Variants in MYO15A observed in about 807,000 individuals in gnomAD.
The protein encoded by MYO15A is myosin XVA.
MYO15A carries 308 observed loss-of-function variants against 394.6 expected under a neutral mutation model. The ratio of observed to expected loss-of-function variants is 0.78; its 90% CI spans 0.71 to 0.86. The LOEUF is 0.86. Among genes scored for constraint, MYO15A ranks in the 40% least tolerant of loss-of-function variants. The probability of loss-of-function intolerance (pLI) is 0.00; values close to 1 mark genes in which losing one functional copy is unlikely to be tolerated. For missense variants in MYO15A, 4,606 were observed against 4,799.1 expected, an observed-to-expected ratio of 0.96 and a Z score of 1.19; for synonymous variants, 1,957 against 2,003.8, an observed-to-expected ratio of 0.98 and a Z score of 0.62.
intron 30 of MYO15A, 58 bp downstream of exon 30, chr17:18,146,165 C>T: frequency 6.4e-7 from 1 of 1,551,466 alleles, no homozygotes; most frequent in Non-Finnish European, 8.8e-7. Flanking sequence ...GCAGTGGAGC[C>T]CAAGGCAGGG....
rs780219764 is a variant in MYO15A, at chr17:18,137,567, C to T, written c.4780-17C>T. Reference sequence around the variant, plus strand: ...GCCAAGGAAGGACCAGTCCCAGCACCCCCATCCACCTGGCAGGACCTGAGC... The same window carrying T: ...GCCAAGGAAGGACCAGTCCCAGCACTCCCATCCACCTGGCAGGACCTGAGC... On this transcript the variant is annotated splice_polypyrimidine_tract_variant and intron_variant, in intron 15 of 65. Transcript: ENST00000647165. 6.2e-7 allele frequency: 1 copy of T among 1,612,116 alleles called. No individual in the cohort carries two copies. Among genetic ancestry groups the T allele is most frequent in the Non-Finnish European group, 8.5e-7 (1 of 1,179,274 alleles).
intron 12 of MYO15A, among the ~76,000 whole-genome samples, chr17:18,135,365 G>A (rs1240995239): frequency 6.6e-6 from 1 of 151,158 alleles, no homozygotes; most frequent in Non-Finnish European, 1.5e-5. Context: ...TTTTGAGATG[G>A]AGTTTCGCTC....
At chr17:18,125,421 C>A in intron 4 of MYO15A, 190 bp downstream of exon 4, 2 of 619,112 alleles carry the variant, frequency 3.2e-6, no homozygotes, top group Non-Finnish European at 2.9e-6. Context: ...AGAGGCCGGG[C>A]ACAGTGGCTC....
At chr17:18,109,043 C>T (rs1597737462) in intron 1 of MYO15A, 1 of 152,356 alleles carries the variant, frequency 6.6e-6, no homozygotes, top group Non-Finnish European at 1.5e-5. Flanking sequence ...GGCAGGGCCT[C>T]TGTGGCTTAC....
intron 47 of MYO15A, 55 bp downstream of exon 47, chr17:18,155,487 C>T (rs1767452545): frequency 1.5e-5 from 22 of 1,491,000 alleles, no homozygotes; most frequent in Non-Finnish European, 1.9e-5. Context: ...AGACTGGCAT[C>T]GGCATTTCCT....
chr17:18,164,984 A>G (rs2142408969), intron 60 of MYO15A: 1 of 151,912 alleles, frequency 6.6e-6, no homozygotes, highest in African/African-American at 2.4e-5. Context: ...CACTAAAAAT[A>G]CAAAATTAGC....
Position 18,178,894 on chromosome 17 carries a change from C to G in MYO15A, c.*24C>G, listed in dbSNP as rs761661770. 1 of 1,606,368 alleles carries G rather than the reference C, an allele frequency of 6.2e-7. No individual in the cohort carries two copies. Among genetic ancestry groups the G allele is most frequent in the Non-Finnish European group, 8.5e-7 (1 of 1,176,130 alleles). ...GACCCAGCCCCCAGCCCTCCAGTAC[C>G]TTCTGCCAGAAGACTCACTGTGTGG... On this transcript the variant is annotated 3_prime_UTR_variant, in exon 66 of 66. Coordinates refer to ENST00000647165, the MANE Select transcript of MYO15A (RefSeq NM_016239.4).
rs200165500 is a variant in MYO15A, at chr17:18,151,152, G to A, written c.7516G>A (p.Gly2506Ser). 2.3e-5 allele frequency: 37 copies of A among 1,613,808 alleles called. No homozygotes were observed. The highest frequency in any genetic ancestry group is 5.3e-5 in the African/African-American group (4 of 74,888). Reference sequence around the variant, plus strand: ...GGCACAGCCGACGTCTGTAGGCACCGGTCCCCCTGCCAAACCCGTGCTCCT... The same window carrying A: ...GGCACAGCCGACGTCTGTAGGCACCAGTCCCCCTGCCAAACCCGTGCTCCT... Reference protein sequence around the residue: ...PEAQPTSVGTGPPAKPVLLRA... With the variant: ...PEAQPTSVGTSPPAKPVLLRA... The change falls in exon 39 of 66, where the codon GGT becomes AGT. Residue 2506 changes from glycine (G) to serine (S), a missense_variant. By Grantham distance (56) the Gly-to-Ser change is moderately conservative. Around this residue, in one of 2 missense-constraint regions of MYO15A, gnomAD observed 2,776 missense variants for 3,109.3 expected, o/e 0.89. Transcript: ENST00000647165.
intron 7 of MYO15A, among the ~76,000 whole-genome samples, chr17:18,128,015 G>A (rs1466548873): frequency 6.6e-6 from 1 of 151,908 alleles, no homozygotes; most frequent in African/African-American, 2.4e-5. Flanking sequence ...TGGGCTCTAG[G>A]AAAGTCTAGG....
In MYO15A at chr17:18,121,511, T is replaced by G; in HGVS notation, c.2711T>G (p.Leu904Arg). ...AGGGCCGGGGCCTGGCGGGCGCCCC[T>G]GGAACACCGGGAGAGCCCGCGAGAA... ...PPRAGAWRAP[L>R]EHRESPREPE... is the part of the protein sequence containing the mutation. Residue 904 changes from leucine to arginine, a missense_variant, in exon 2 of 66, where the codon CTG becomes CGG. Transcript: ENST00000647165. This position sits in a 1 kb window ranked among gnomAD's most constrained non-coding sequence, Gnocchi z 5.3. 6.4e-7 allele frequency: 1 copy of G among 1,555,584 alleles called. No homozygotes were observed. The highest frequency in any genetic ancestry group is 2.4e-5 in the East Asian group (1 of 41,350).
chr17:18,109,979 C>T (rs1247286593), intron 1 of MYO15A: 1 of 152,616 alleles, frequency 6.6e-6, no homozygotes, highest in Non-Finnish European at 1.5e-5. Flanking sequence ...TCCTAGACAG[C>T]TCACCTGACC....
chr17:18,109,526 G>A (rs2045696202), intron 1 of MYO15A: 1 of 152,672 alleles, frequency 6.5e-6, no homozygotes. Context: ...CCAGGTCAGT[G>A]TGAAGTGGCA....
At position 18,168,481 on chromosome 17, in the gene MYO15A, G is replaced by A. The variant is rs531798862; in HGVS notation, c.10082+758G>A. ...CGGGAGGCTGAGGCAGGAGAATGAC[G>A]TGAACCCGGGAGGCGGAGCTTGCAG... On this transcript the variant is annotated intron_variant, in intron 62 of 65. Coordinates refer to ENST00000647165, the MANE Select transcript of MYO15A (RefSeq NM_016239.4). Among the ~76,000 whole-genome samples the A allele has an allele frequency of 7.8e-4, 118 of 151,646 alleles. 1 individual carries two copies. Among genetic ancestry groups the A allele is most frequent in the Admixed American group, 1.7e-3 (26 of 15,230 alleles).
chr17:18,136,527 G>A (rs375072121), intron 14 of MYO15A, 36 bp from the exon 15 acceptor site: 129 of 1,613,634 alleles, frequency 8.0e-5, no homozygotes, highest in African/African-American at 1.1e-4. Context: ...ACCCCACCAC[G>A]GTGTCCTGCT....
rs561546411 is a variant in MYO15A, at chr17:18,149,474, C to G, written c.7118-12C>G. On this transcript the variant is annotated splice_polypyrimidine_tract_variant and intron_variant, in intron 34 of 65. Coordinates refer to ENST00000647165, the MANE Select transcript of MYO15A (RefSeq NM_016239.4). ...AAAAAAGAACTTGACATTTTTGTGC[C>G]TTCCCCTCCAGAGTCAGACAGTCTT... is the stretch of plus-strand genomic sequence containing the variant. 1 of 1,614,168 alleles carries G rather than the reference C, an allele frequency of 6.2e-7. No individual in the cohort carries two copies. Among genetic ancestry groups the G allele is most frequent in the Non-Finnish European group, 8.5e-7 (1 of 1,180,024 alleles).
chr17:18,173,070 G>A (rs1349022771), intron 64 of MYO15A, among the ~76,000 whole-genome samples: 1 of 152,180 alleles, frequency 6.6e-6, no homozygotes, highest in Admixed American at 6.5e-5. Context: ...CCAGTAGAGG[G>A]GGTGTTAGCA....
intron 53 of MYO15A, 28 bp downstream of exon 53, chr17:18,159,025 C>T (rs1266576269): frequency 1.2e-6 from 2 of 1,610,766 alleles, no homozygotes; most frequent in South Asian, 2.2e-5. Context: ...TCAGTTTCCC[C>T]ATCTGTAAAA....
rs1278705547 is a variant in MYO15A at position 18,118,538 on chromosome 17, C to A, written c.-219-44C>A. On this transcript the variant is annotated intron_variant, in intron 1 of 65. Coordinates refer to ENST00000647165, the MANE Select transcript of MYO15A (RefSeq NM_016239.4). ...CACAGGCCTCATAGGCAGGCTTCCC[C>A]ATCCTGGTAAACAACACCCACACAC... The A allele has an allele frequency of 5.5e-6, 3 of 543,594 alleles. No individual in the cohort carries two copies. In the East Asian group the frequency reaches 9.6e-5, roughly 17 times the overall value. The allele number at this position is 543,594 out of a possible 1,614,324, so 33.7% of individuals were successfully genotyped here. A position where few individuals can be genotyped will look rare whatever the true frequency, so the allele number is the denominator to read the frequency against.
In MYO15A at chr17:18,136,468, G is replaced by C. The variant is rs778418733; in HGVS notation, c.4648G>C (p.Asp1550His). ...FTPLTVESAV[D>H]ARDAIAKVLY... is the part of the protein sequence containing the mutation. The stretch of plus-strand genomic sequence containing the variant: ...GCCCCTAACTGTGGAGAGCGCTGTG[G>C]ATGCCAGGTGAGGCCACGCCCTCCC... The change falls in exon 14 of 66, where the codon GAT (aspartate) becomes CAT (histidine). Residue 1550 changes from aspartate (D) to histidine (H), a missense_variant. Physicochemically the swap from Asp to His is moderately conservative, Grantham distance 81. Transcript: ENST00000647165. 4 of 1,613,784 alleles carry C rather than the reference G, an allele frequency of 2.5e-6. No individual in the cohort carries two copies. Among genetic ancestry groups the C allele is most frequent in the Non-Finnish European group, 3.4e-6 (4 of 1,180,022 alleles).
Sources: allele counts gnomAD v4.1 joint callset (sites outside exome capture counted in the v4.1 genomes callset), GRCh38; gene constraint gnomAD v4.1.1; regional missense constraint gnomAD v4.1.1; non-coding constraint Gnocchi (gnomAD v3.1); transcripts MANE v1.5; gene names NCBI Gene and HGNC (gene_info 2026-07-23, HGNC 2026-07-21).